Variants in TRAP1 observed in about 807,000 individuals in gnomAD.
TRAP1 encodes heat shock protein 75 kDa, mitochondrial.
TRAP1 carries 102 observed loss-of-function variants against 89.1 expected under a neutral mutation model. The ratio of observed to expected loss-of-function variants is 1.15; its 90% CI spans 0.98 to 1.35. The LOEUF is 1.35. TRAP1 is among the 40% of genes most tolerant of loss of function. The pLI is 0.00. For synonymous variants in TRAP1, 508 were observed against 388.0 expected, an observed-to-expected ratio of 1.31 and a Z score of -3.64; for missense variants, 1,256 against 945.3, an observed-to-expected ratio of 1.33 and a Z score of -4.31.
chr16:3,664,233 G>T, intron 13 of TRAP1, 41 bp downstream of exon 13: 4 of 1,500,076 alleles, frequency 2.7e-6, no homozygotes, highest in Non-Finnish European at 3.6e-6. Flanking sequence ...CCCTCCCCAG[G>T]TTGCAGCCCC....
intron 1 of TRAP1, among the ~76,000 whole-genome samples, chr16:3,697,224 T>G (rs1426879561): frequency 6.6e-6 from 1 of 152,136 alleles, no homozygotes; most frequent in African/African-American, 2.4e-5. Context: ...TACATTTCTC[T>G]TATTATAAGC....
At chr16:3,672,505 C>A (rs934115716) in intron 10 of TRAP1, among the ~76,000 whole-genome samples, 195 bp downstream of exon 10, 11 of 152,162 alleles carry the variant, frequency 7.2e-5, no homozygotes, top group African/African-American at 2.4e-4. Context: ...GTGCTCCCCC[C>A]AGATCAGTCA....
At chr16:3,663,585 C>G (rs1333460693) in intron 13 of TRAP1, 23 bp from the exon 14 acceptor site, 2 of 1,612,780 alleles carry the variant, frequency 1.2e-6, no homozygotes, top group East Asian at 4.5e-5. Flanking sequence ...AAGAGCAGCT[C>G]CATCAGACCC....
chr16:3,671,748 C>G lies in TRAP1; in HGVS notation c.1209G>C (p.Glu403Asp). ...TGATGAGTGCGCTCTCCTGCAGCAG[C>G]TCCCGGCTGAGGTTCAGGGGAATGT... The part of the protein sequence containing the change: ...SEDIPLNLSR[E>D]LLQESALIRK... Residue 403 changes from glutamate (E) to aspartate (D), a missense_variant, in exon 11 of 18, where the codon GAG (glutamate) becomes GAC (aspartate). Transcript: ENST00000246957. 1 of 1,613,286 alleles carries G rather than the reference C, an allele frequency of 6.2e-7. No individual in the cohort carries two copies. Among genetic ancestry groups the G allele is most frequent in the Non-Finnish European group, 8.5e-7 (1 of 1,180,032 alleles).
intron 1 of TRAP1, among the ~76,000 whole-genome samples, chr16:3,709,952 A>T (rs2051505644): frequency 6.6e-6 from 1 of 152,154 alleles, no homozygotes; most frequent in Non-Finnish European, 1.5e-5. Context: ...GCCTGGCGAG[A>T]AGATTCTTAA....
chr16:3,674,454 T>G lies in TRAP1; in HGVS notation c.929A>C (p.Gln310Pro). 6.2e-7 allele frequency: 1 copy of G among 1,614,088 alleles called. No homozygotes were observed. The highest frequency in any genetic ancestry group is 1.6e-4 in the Middle Eastern group (1 of 6,062). ...MMDPKDVREW[Q>P]HEEFYRYVAQ... The stretch of plus-strand genomic sequence containing the variant: ...GACGTAGCGGTAGAACTCCTCATGT[T>G]GCCACTCACGGACATCCTTGGGGTC... The change falls in exon 9 of 18, where the codon CAA (glutamine) becomes CCA (proline). Residue 310 changes from glutamine (Q) to proline (P), a missense_variant. Coordinates refer to ENST00000246957, the MANE Select transcript of TRAP1 (RefSeq NM_016292.3).
At chr16:3,671,378 C>G (rs903250490) in intron 11 of TRAP1, among the ~76,000 whole-genome samples, 1 of 152,236 alleles carries the variant, frequency 6.6e-6, no homozygotes, top group African/African-American at 2.4e-5. Context: ...TGATGGAGAA[C>G]CTGGAGCCAG....
In TRAP1 at chr16:3,663,305, CG is replaced by C. The variant is rs1237358956; in HGVS notation, c.1708+118del. 5.1e-6 allele frequency: 7 copies of C among 1,365,782 alleles called. No individual in the cohort carries two copies. The African/African-American group carries it at 1.0e-4, about 20-fold the overall frequency. The allele number at this position is 1,365,782 out of a possible 1,614,324, so 84.6% of individuals were successfully genotyped here. Reference sequence around the variant, plus strand: ...CAGGGTGCTCCCACAAGGCTCTTCTCGGGGGTGGCTGAGCCCAGGTCAACTG... The same window carrying C: ...CAGGGTGCTCCCACAAGGCTCTTCTCGGGGTGGCTGAGCCCAGGTCAACTG... On this transcript the variant is annotated intron_variant, in intron 14 of 17. Transcript: ENST00000246957.
intron 1 of TRAP1, among the ~76,000 whole-genome samples, chr16:3,707,784 G>A (rs950127776): frequency 2.4e-4 from 36 of 150,058 alleles, no homozygotes; most frequent in African/African-American, 8.3e-4. Flanking sequence ...CACTCGGGAA[G>A]CGAAGGCTGC....
intron 3 of TRAP1, among the ~76,000 whole-genome samples, chr16:3,688,310 T>C (rs773882795): frequency 2.0e-5 from 3 of 151,640 alleles, no homozygotes; most frequent in Admixed American, 6.6e-5. Context: ...CCCAAATGCG[T>C]TTTAATTTCC....
Position 3,663,075 on chromosome 16 carries a change from G to A in TRAP1, c.1709-108C>T, listed in dbSNP as rs1334776733. ...CTCCCACCTCCTCTCCCACCAGGAT[G>A]GAGACACAAGCTAGCAAGATGCTTT... On this transcript the variant is annotated intron_variant, in intron 14 of 17. Coordinates refer to ENST00000246957, the MANE Select transcript of TRAP1 (RefSeq NM_016292.3). 6.0e-6 allele frequency: 5 copies of A among 835,150 alleles called. No individual in the cohort carries two copies. In the Admixed American group the frequency reaches 1.4e-4, roughly 23 times the overall value. 51.7% of individuals were successfully genotyped at this position (835,150 alleles called of 1,614,324 possible).
chr16:3,662,369 C>T (rs2043133179), intron 15 of TRAP1: 3 of 598,202 alleles, frequency 5.0e-6, no homozygotes, highest in East Asian at 5.6e-5. Context: ...CCGCTGCTGC[C>T]TCCAGGAGCT....
intron 1 of TRAP1, among the ~76,000 whole-genome samples, chr16:3,702,080 C>A (rs1463359969): frequency 6.6e-6 from 1 of 152,000 alleles, no homozygotes; most frequent in Admixed American, 6.6e-5. Flanking sequence ...TGGTGGCGTG[C>A]ACCTGTAATC....
chr16:3,664,640 C>T (rs912185160), intron 12 of TRAP1, 181 bp from the exon 13 acceptor site: 6 of 639,864 alleles, frequency 9.4e-6, no homozygotes, highest in African/African-American at 5.6e-5. Context: ...CCCATCAGGC[C>T]CCTTTTGGGA....
At chr16:3,686,240 T>A in intron 3 of TRAP1, 104 bp from the exon 4 acceptor site, 2 of 1,325,962 alleles carry the variant, frequency 1.5e-6, no homozygotes, top group Non-Finnish European at 2.1e-6. Context: ...TAGAGGAGAA[T>A]AGTCAATTCT....
chr16:3,716,799 A>T (rs777203699), intron 1 of TRAP1, among the ~76,000 whole-genome samples: 1 of 152,276 alleles, frequency 6.6e-6, no homozygotes, highest in South Asian at 2.1e-4. Context: ...GCATCCATCA[A>T]TTCCAGGCCC....
At position 3,662,093 on chromosome 16, in the gene TRAP1, C is replaced by T. The variant is rs201100613; in HGVS notation, c.1834G>A (p.Val612Met). 2.9e-5 allele frequency: 46 copies of T among 1,613,254 alleles called. No individual in the cohort carries two copies. Among genetic ancestry groups the T allele is most frequent in the African/African-American group, 4.0e-5 (3 of 75,042 alleles). Residue 612 changes from valine to methionine, a missense_variant, in exon 16 of 18, where the codon GTG becomes ATG. Val to Met is a conservative substitution (Grantham distance 21, BLOSUM62 1). Coordinates refer to ENST00000246957, the MANE Select transcript of TRAP1 (RefSeq NM_016292.3). The stretch of plus-strand genomic sequence containing the variant: ...TGGCGGGCAGCCCCCATCTCCAGCA[C>T]GGTGACCATGGCAGGGTGGGTGTCC... ...RLDTHPAMVTVLEMGAARHFL... is the reference protein window; with the variant it reads ...RLDTHPAMVTMLEMGAARHFL...
intron 4 of TRAP1, among the ~76,000 whole-genome samples, 162 bp downstream of exon 4, chr16:3,685,834 C>G (rs996411807): frequency 6.6e-6 from 1 of 152,144 alleles, no homozygotes; most frequent in African/African-American, 2.4e-5. Flanking sequence ...CCAAAATTTT[C>G]TATAATGAAT....
intron 5 of TRAP1, 91 bp from the exon 6 acceptor site, chr16:3,677,749 C>G (rs1335241926): frequency 7.0e-7 from 1 of 1,435,070 alleles, no homozygotes; most frequent in East Asian, 2.3e-5. Context: ...ACCGCTAAGA[C>G]CCCTTCATCC....
Sources: gnomAD v4.1 joint callset for allele counts (sites outside exome capture counted in the v4.1 genomes callset) on GRCh38, gnomAD v4.1.1 for gene constraint, MANE v1.5 for transcripts, NCBI Gene and HGNC (gene_info 2026-07-23, HGNC 2026-07-21) for gene names.